IL20RA: variants seen among roughly 807,000 people sequenced by gnomAD.
IL20RA encodes the protein interleukin 20 receptor subunit alpha.
Under a neutral mutation model 36.5 loss-of-function variants are expected in IL20RA, and 29 were observed. That is an observed-to-expected ratio of 0.79 (90% CI 0.59 to 1.08). The LOEUF is 1.08. IL20RA is among the 50% of genes least tolerant of loss of function. The probability of loss-of-function intolerance (pLI) is 0.00; values close to 1 mark genes in which losing one functional copy is unlikely to be tolerated. For synonymous variants in IL20RA, 279 were observed against 267.1 expected (o/e 1.04, Z -0.43); for missense variants, 652 against 668.4 (o/e 0.98, Z 0.27).
intron 1 of IL20RA, among the ~76,000 whole-genome samples, chr6:137,022,262 C>T (rs1016152225): frequency 1.3e-5 from 2 of 152,120 alleles, no homozygotes; most frequent in Admixed American, 1.3e-4. Context: ...CCTCCCTTAT[C>T]TGGTCCTAGG....
chr6:137,016,007 A>G (rs1340085319), intron 2 of IL20RA, among the ~76,000 whole-genome samples: 1 of 152,146 alleles, frequency 6.6e-6, no homozygotes, highest in African/African-American at 2.4e-5. Flanking sequence ...CCCTCTCACC[A>G]AATCCATTAT....
intron 1 of IL20RA, among the ~76,000 whole-genome samples, chr6:137,043,713 C>T (rs1453675857): frequency 1.3e-5 from 2 of 152,192 alleles, no homozygotes; most frequent in African/African-American, 4.8e-5. Context: ...CTGTTCAGTT[C>T]TGGGTTAAAA....
At chr6:137,028,410 C>A (rs1776166122) in intron 1 of IL20RA, among the ~76,000 whole-genome samples, 1 of 100,918 alleles carries the variant, frequency 9.9e-6, no homozygotes. Context: ...AGTGAGACTC[C>A]ATCTAAAAAA....
chr6:137,008,416 C>T (rs1045270762), intron 5 of IL20RA, among the ~76,000 whole-genome samples, 183 bp downstream of exon 5: 5 of 152,194 alleles, frequency 3.3e-5, no homozygotes, highest in South Asian at 2.1e-4. Flanking sequence ...TTCTGAACGT[C>T]GGCCAAGCTC....
intron 1 of IL20RA, among the ~76,000 whole-genome samples, chr6:137,027,372 G>A (rs554878560): frequency 9.9e-5 from 15 of 152,250 alleles, no homozygotes; most frequent in South Asian, 6.2e-4. Context: ...GGACTGGTGC[G>A]CTGCCTCAGT....
At position 137,044,781 on chromosome 6, in the gene IL20RA, G is replaced by T. The variant is rs906810263; in HGVS notation, c.-53C>A. 7 of 1,204,840 alleles carry T rather than the reference G, an allele frequency of 5.8e-6. No homozygotes were observed. In the African/African-American group the frequency reaches 1.1e-4, roughly 19 times the overall value. The allele number at this position is 1,204,840 out of a possible 1,614,324, so 74.6% of individuals were successfully genotyped here. A position where few individuals can be genotyped will look rare whatever the true frequency, so the allele number is the denominator to read the frequency against. On this transcript the variant is annotated 5_prime_UTR_variant, in exon 1 of 7. Coordinates refer to ENST00000316649, the MANE Select transcript of IL20RA (RefSeq NM_014432.4). ...GGGGCAGCAGACTGCTCAGTCCCACGCCCGCTGGGGCCAAGCGCGGCCGCG... is the reference window on the plus strand; with the variant it reads ...GGGGCAGCAGACTGCTCAGTCCCACTCCCGCTGGGGCCAAGCGCGGCCGCG...
At chr6:137,021,021 G>C (rs554600033) in intron 1 of IL20RA, among the ~76,000 whole-genome samples, 1 of 149,616 alleles carries the variant, frequency 6.7e-6, no homozygotes, top group Non-Finnish European at 1.5e-5. Flanking sequence ...TTCCTGTTAT[G>C]ACATGGTCTG....
rs141336858 is a variant in IL20RA, at chr6:137,009,572, G to A, written c.404-80C>T. ...TAAAGCTACCATATAATCCTACTTGGATCAAGGCCCTAAAAGACATCCTTT... is the reference window on the plus strand; with the variant it reads ...TAAAGCTACCATATAATCCTACTTGAATCAAGGCCCTAAAAGACATCCTTT... On this transcript the variant is annotated intron_variant, in intron 3 of 6. Coordinates refer to ENST00000316649, the MANE Select transcript of IL20RA (RefSeq NM_014432.4). 1,001 of 760,440 alleles carry A rather than the reference G, an allele frequency of 1.3e-3. 13 individuals carry two copies. Among genetic ancestry groups the A allele is most frequent in the South Asian group, 8.8e-3 (571 of 64,788 alleles). 47.1% of individuals were successfully genotyped at this position (760,440 alleles called of 1,614,324 possible). A position where few individuals can be genotyped will look rare whatever the true frequency, so the allele number is the denominator to read the frequency against.
At chr6:137,021,691 G>T (rs1014120488) in intron 1 of IL20RA, among the ~76,000 whole-genome samples, 4 of 151,948 alleles carry the variant, frequency 2.6e-5, no homozygotes, top group Non-Finnish European at 5.9e-5. Context: ...TTGAAAGTGG[G>T]ATCCACTTAT....
intron 1 of IL20RA, among the ~76,000 whole-genome samples, chr6:137,033,795 C>T (rs567387414): frequency 1.3e-5 from 2 of 152,322 alleles, no homozygotes; most frequent in Admixed American, 1.3e-4. Context: ...TGGACCAATA[C>T]AAAATTCTGA....
intron 1 of IL20RA, among the ~76,000 whole-genome samples, chr6:137,037,145 A>G (rs1234827004): frequency 6.6e-6 from 1 of 152,188 alleles, no homozygotes; most frequent in South Asian, 2.1e-4. Flanking sequence ...GTTGAAATCA[A>G]GAAGTATAAA....
chr6:137,037,736 C>T (rs899904923), intron 1 of IL20RA, among the ~76,000 whole-genome samples: 2 of 152,106 alleles, frequency 1.3e-5, no homozygotes, highest in African/African-American at 4.8e-5. Context: ...ACTGGAAATA[C>T]TGGGAGAGAG....
At chr6:137,011,484 G>T (rs574128582) in intron 2 of IL20RA, 32 bp from the exon 3 acceptor site, 12 of 1,503,572 alleles carry the variant, frequency 8.0e-6, no homozygotes, top group African/African-American at 1.4e-5. Context: ...TAATAATGAG[G>T]TGCCCTCTAT....
intron 1 of IL20RA, among the ~76,000 whole-genome samples, chr6:137,032,734 G>C (rs1311537167): frequency 1.3e-5 from 2 of 152,234 alleles, no homozygotes; most frequent in Non-Finnish European, 2.9e-5. Flanking sequence ...ACACCAGGAA[G>C]ATAGAAGTGT....
intron 5 of IL20RA, 105 bp from the exon 6 acceptor site, chr6:137,004,865 T>C: frequency 9.4e-7 from 1 of 1,061,448 alleles, no homozygotes; most frequent in Non-Finnish European, 1.4e-6. Flanking sequence ...TCTGTGCAGA[T>C]CACTTACATT....
intron 1 of IL20RA, among the ~76,000 whole-genome samples, chr6:137,020,302 A>G (rs1035283147): frequency 7.2e-5 from 11 of 152,186 alleles, no homozygotes; most frequent in African/African-American, 2.7e-4. Context: ...TGACTACACT[A>G]CTGTGAAAGA....
chr6:137,030,514 A>G (rs1776242277), intron 1 of IL20RA, among the ~76,000 whole-genome samples: 1 of 152,116 alleles, frequency 6.6e-6, no homozygotes, highest in Non-Finnish European at 1.5e-5. Context: ...CATGACACAC[A>G]CTTCTGGGTG....
intron 1 of IL20RA, among the ~76,000 whole-genome samples, chr6:137,038,439 C>G (rs945855123): frequency 1.3e-5 from 2 of 151,898 alleles, no homozygotes; most frequent in African/African-American, 2.4e-5. Context: ...TCAAGTGACC[C>G]TTCTGCCTCA....
rs781508607 is a variant in IL20RA, at chr6:137,008,712, A to C, written c.611T>G (p.Val204Gly). 5 of 1,605,498 alleles carry C rather than the reference A, an allele frequency of 3.1e-6. No homozygotes were observed. The African/African-American group carries it at 4.0e-5, about 13-fold the overall frequency. ...AGTGTTCGGCTCCAGCCAGGTGAGC[A>C]CCAGCGTGTGGTTGGTCACACACTG... ...WSQCVTNHTLVLTWLEPNTLY... is the reference protein window; with the variant it reads ...WSQCVTNHTLGLTWLEPNTLY... Residue 204 changes from valine (V) to glycine (G), a missense_variant, in exon 5 of 7, where the codon GTG (valine) becomes GGG (glycine). Coordinates refer to ENST00000316649, the MANE Select transcript of IL20RA (RefSeq NM_014432.4).
Sources: allele counts gnomAD v4.1 joint callset (sites outside exome capture counted in the v4.1 genomes callset), GRCh38; gene constraint gnomAD v4.1.1; transcripts MANE v1.5; gene names NCBI Gene and HGNC (gene_info 2026-07-23, HGNC 2026-07-21).